DNAJC27: variants seen among roughly 807,000 people sequenced by gnomAD.
DNAJC27 encodes dnaJ homolog subfamily C member 27.
In DNAJC27, 25 loss-of-function variants were observed where a neutral mutation model predicts 31.4. The ratio of observed to expected loss-of-function variants is 0.80; its 90% CI spans 0.58 to 1.11. The LOEUF (loss-of-function observed/expected upper bound fraction) is 1.11, where lower values mean the gene tolerates loss of function less well. Ranked by LOEUF, DNAJC27 falls within the 50% of genes most tolerant of loss-of-function variation. The pLI, the probability that DNAJC27 is intolerant of heterozygous loss-of-function variation, is 0.00. For synonymous variants in DNAJC27, 106 were observed against 112.7 expected, an observed-to-expected ratio of 0.94 and a Z score of 0.37; for missense variants, 356 against 347.3, an observed-to-expected ratio of 1.02 and a Z score of -0.20.
At chr2:24,951,690 G>C in intron 5 of DNAJC27, 136 bp from the exon 6 acceptor site, 1 of 506,736 alleles carries the variant, frequency 2.0e-6, no homozygotes, top group Non-Finnish European at 3.1e-6. Flanking sequence ...ACACACTTTG[G>C]AAGATTTTTT....
intron 1 of DNAJC27, among the ~76,000 whole-genome samples, chr2:24,969,812 T>G (rs1412309477): frequency 6.6e-6 from 1 of 152,208 alleles, no homozygotes; most frequent in Non-Finnish European, 1.5e-5. Context: ...ATACAGTTGG[T>G]CTTCTTTCAT....
chr2:24,957,225 C>T, intron 4 of DNAJC27, 60 bp from the exon 5 acceptor site: 3 of 1,513,070 alleles, frequency 2.0e-6, no homozygotes, highest in Non-Finnish European at 2.6e-6. Flanking sequence ...CTAGAATGGA[C>T]CCAGTGAGGG....
intron 1 of DNAJC27, among the ~76,000 whole-genome samples, chr2:24,968,184 T>C (rs1365981971): frequency 6.6e-6 from 1 of 152,242 alleles, no homozygotes; most frequent in Non-Finnish European, 1.5e-5. Context: ...TAATAAATTA[T>C]GGTTCCCAAG....
At chr2:24,950,866 A>AT (rs1419072251) in intron 6 of DNAJC27, among the ~76,000 whole-genome samples, 1 of 152,056 alleles carries the variant, frequency 6.6e-6, no homozygotes, top group Non-Finnish European at 1.5e-5. Flanking sequence ...AAATAAAAAA[A>AT]AAAAATAAAC....
chr2:24,964,403 CTGAG>C (rs1666126019), intron 2 of DNAJC27, among the ~76,000 whole-genome samples: 2 of 145,286 alleles, frequency 1.4e-5, no homozygotes, highest in Non-Finnish European at 3.0e-5. Flanking sequence ...ACCTGGGCGA[CTGAG>C]TAAGACTCCG....
chr2:24,968,443 A>C (rs1417102160), intron 1 of DNAJC27, among the ~76,000 whole-genome samples: 4 of 151,994 alleles, frequency 2.6e-5, no homozygotes, highest in Non-Finnish European at 5.9e-5. Context: ...GCAAAATAAT[A>C]AGTTTTTTTA....
At chr2:24,958,670 A>G (rs1665969301) in intron 3 of DNAJC27, 1 of 227,318 alleles carries the variant, frequency 4.4e-6, no homozygotes, top group South Asian at 5.0e-5. Context: ...TAATGCAGGC[A>G]AAGTACTTAG....
At chr2:24,970,489 G>C (rs1212071267) in intron 1 of DNAJC27, among the ~76,000 whole-genome samples, 1 of 143,906 alleles carries the variant, frequency 6.9e-6, no homozygotes, top group South Asian at 2.2e-4. Context: ...TTTTGAGACG[G>C]CGTCTCACTC....
At chr2:24,951,298 C>T in intron 6 of DNAJC27, 96 bp downstream of exon 6, 1 of 1,245,606 alleles carries the variant, frequency 8.0e-7, no homozygotes, top group Non-Finnish European at 1.1e-6. Context: ...CTTCGTATTT[C>T]CAGCCAACTG....
intron 3 of DNAJC27, among the ~76,000 whole-genome samples, chr2:24,961,108 G>A (rs1666028816): frequency 6.6e-6 from 1 of 152,186 alleles, no homozygotes; most frequent in Admixed American, 6.5e-5. Context: ...GGCTGACAGA[G>A]CTGTTACGGG....
At chr2:24,967,954 CTTTT>C (rs35902856) in intron 1 of DNAJC27, among the ~76,000 whole-genome samples, 11 of 135,628 alleles carry the variant, frequency 8.1e-5, no homozygotes, top group Admixed American at 2.2e-4. Context: ...AGATTAATTC[CTTTT>C]TTTTTTTTTT....
chr2:24,955,737 C>T (rs988353326), intron 5 of DNAJC27, among the ~76,000 whole-genome samples: 2 of 152,310 alleles, frequency 1.3e-5, no homozygotes, highest in Admixed American at 6.5e-5. Context: ...GTGCTAACAT[C>T]TCATGACACA....
chr2:24,951,534 A>G lies in DNAJC27; in HGVS notation c.549T>C (p.Val183=). The change falls in exon 6 of 7, where the codon GTT becomes GTC. Residue 183 remains valine, a synonymous_variant. Coordinates refer to ENST00000264711, the MANE Select transcript of DNAJC27 (RefSeq NM_016544.3). The stretch of plus-strand genomic sequence containing the variant: ...GTTTCCCGCCATTTTCACATAAATC[A>G]ACTATGGATATATAAAAGGTCTACA... ...EMFQTFYISI[V]DLCENGGKRP... 14 of 1,612,968 alleles carry G rather than the reference A, an allele frequency of 8.7e-6. No individual in the cohort carries two copies. The highest frequency in any genetic ancestry group is 1.2e-5 in the Non-Finnish European group (14 of 1,179,442).
At chr2:24,971,735 G>A (rs1380831984) in intron 1 of DNAJC27, 83 bp downstream of exon 1, 35 of 1,258,242 alleles carry the variant, frequency 2.8e-5, no homozygotes, top group Non-Finnish European at 3.3e-5. Context: ...CGGGCCCCAG[G>A]CTGTTGAGTG....
At chr2:24,970,609 C>T (rs1335681917) in intron 1 of DNAJC27, among the ~76,000 whole-genome samples, 1 of 151,388 alleles carries the variant, frequency 6.6e-6, no homozygotes, top group Non-Finnish European at 1.5e-5. Context: ...GGATTAAAGG[C>T]GTGCACCACC....
intron 2 of DNAJC27, among the ~76,000 whole-genome samples, chr2:24,965,061 C>A (rs887237809): frequency 6.6e-6 from 1 of 151,590 alleles, no homozygotes; most frequent in African/African-American, 2.4e-5. Context: ...CAAAAATTAG[C>A]TGGGCGTGGT....
intron 1 of DNAJC27, 120 bp downstream of exon 1, chr2:24,971,698 G>C (rs1024183286): frequency 9.8e-6 from 8 of 819,368 alleles, no homozygotes; most frequent in Non-Finnish European, 1.5e-5. Context: ...GCTGAGACCC[G>C]GGCCTGCTCG....
intron 1 of DNAJC27, among the ~76,000 whole-genome samples, chr2:24,967,829 T>C (rs572397854): frequency 2.6e-5 from 4 of 152,326 alleles, no homozygotes; most frequent in South Asian, 4.1e-4. Flanking sequence ...CTCAATCCTG[T>C]GCTCTTTTCT....
chr2:24,972,030 A>T, upstream of DNAJC27: 2 of 686,678 alleles, frequency 2.9e-6, no homozygotes, highest in Middle Eastern at 4.4e-4. Context: ...GCTGCTCGCC[A>T]TCCCCGCCGC....
Sources: allele counts gnomAD v4.1 joint callset (sites outside exome capture counted in the v4.1 genomes callset), GRCh38; gene constraint gnomAD v4.1.1; transcripts MANE v1.5; gene names NCBI Gene and HGNC (gene_info 2026-07-23, HGNC 2026-07-21).